KIF26A: variants seen among roughly 807,000 people sequenced by gnomAD.
KIF26A encodes the protein kinesin family member 26A, also known as kinesin-like protein KIF26A.
KIF26A carries 74 observed loss-of-function variants against 126.0 expected under a neutral mutation model. That is an observed-to-expected ratio of 0.59 (90% CI 0.49 to 0.71). The LOEUF (loss-of-function observed/expected upper bound fraction) is 0.71. KIF26A is among the 30% of genes least tolerant of loss of function. The pLI, the probability that KIF26A is intolerant of heterozygous loss-of-function variation, is 0.00. For synonymous variants in KIF26A, 1,445 were observed against 1,232.7 expected (o/e 1.17, Z -3.61); for missense variants, 2,984 against 2,763.3 (o/e 1.08, Z -1.79).
Position 104,178,724 on chromosome 14 carries a change from C to T in KIF26A, c.5285C>T (p.Pro1762Leu), listed in dbSNP as rs1016683417. 6.5e-7 allele frequency: 1 copy of T among 1,550,134 alleles called. No individual in the cohort carries two copies. Among genetic ancestry groups the T allele is most frequent in the South Asian group, 1.2e-5 (1 of 84,284 alleles). The change falls in exon 13 of 15, where the codon CCC (proline) becomes CTC (leucine). Residue 1762 changes from proline to leucine, a missense_variant. Transcript: ENST00000423312. ...GATGACGTGGAGCGCCTTCAGCGGC[C>T]CCGCCCCACCCCGAGGGAGGCCCCC... ...EIDDVERLQR[P>L]RPTPREAPTQ...
Position 104,175,682 on chromosome 14 carries a change from C to T in KIF26A, c.2894C>T (p.Pro965Leu). The T allele has an allele frequency of 2.5e-6, 4 of 1,605,224 alleles. No homozygotes were observed. Among genetic ancestry groups the T allele is most frequent in the Non-Finnish European group, 3.4e-6 (4 of 1,177,026 alleles). The change falls in exon 12 of 15, where the codon CCA becomes CTA. Residue 965 changes from proline (P) to leucine (L), a missense_variant. Transcript: ENST00000423312. ...CAGTTGCTGGAAGCCTGCAGAGCCC[C>T]AGAAGAGCCTGGGGGAGGGGGCACT... is the stretch of plus-strand genomic sequence containing the variant. ...PPQLLEACRA[P>L]EEPGGGGTDG...
rs1233883571 is a variant in KIF26A at position 104,165,599 on chromosome 14, ATG to A, written c.924-1252_924-1251del. On this transcript the variant is annotated intron_variant, in intron 4 of 14. Coordinates refer to ENST00000423312, the MANE Select transcript of KIF26A (RefSeq NM_015656.2). ...CATGTGTGTGTCTGTGTGTCTATGC[ATG>A]TGTGTGTCTCTGTCTCTGTATGCAT... is the stretch of plus-strand genomic sequence containing the variant. Among the ~76,000 whole-genome samples, 11 of 122,470 alleles carry A rather than the reference ATG, an allele frequency of 9.0e-5. No individual in the cohort carries two copies. In the South Asian group the frequency reaches 1.5e-3, roughly 16 times the overall value. The allele number at this position is 122,470 out of a possible 152,430, so 80.3% of individuals were successfully genotyped here.
intron 4 of KIF26A, among the ~76,000 whole-genome samples, chr14:104,161,538 G>A (rs977576988): frequency 3.3e-5 from 5 of 152,206 alleles, no homozygotes; most frequent in African/African-American, 9.7e-5. Context: ...GACATGAATC[G>A]ATGGCCAGGG....
chr14:104,146,931 G>A (rs776021112), intron 2 of KIF26A, among the ~76,000 whole-genome samples: 1 of 152,110 alleles, frequency 6.6e-6, no homozygotes, highest in Admixed American at 6.5e-5. Context: ...TGGCAGCCTC[G>A]TAGGAGGGGC....
chr14:104,176,692 C>G lies in KIF26A; in HGVS notation c.3904C>G (p.Arg1302Gly). The G allele has an allele frequency of 5.0e-6, 8 of 1,590,648 alleles. No homozygotes were observed. The highest frequency in any genetic ancestry group is 6.8e-6 in the Non-Finnish European group (8 of 1,168,708). ...GGCCCGCAGGCCAGAGGCTGTGGCT[C>G]GGATCCCACCGCTGCGGAGGGGTGC... ...RAARRPEAVA[R>G]IPPLRRGATT... Residue 1302 changes from arginine to glycine, a missense_variant, in exon 12 of 15, where the codon CGG becomes GGG. Transcript: ENST00000423312.
chr14:104,175,787 C>T lies in KIF26A; in HGVS notation c.2999C>T (p.Pro1000Leu). The change falls in exon 12 of 15, where the codon CCC (proline) becomes CTC (leucine). Residue 1000 changes from proline (P) to leucine (L), a missense_variant. Pro to Leu is a moderately conservative substitution (Grantham distance 98). Transcript: ENST00000423312. Reference protein sequence around the residue: ...GSPMLPGATCPRLAAGSRCPE... With the variant: ...GSPMLPGATCLRLAAGSRCPE... ...CCGATGCTTCCTGGGGCCACCTGCC[C>T]CCGCCTGGCTGCTGGCAGTCGCTGT... The T allele has an allele frequency of 6.5e-7, 1 of 1,538,190 alleles. No individual in the cohort carries two copies. The highest frequency in any genetic ancestry group is 8.7e-7 in the Non-Finnish European group (1 of 1,146,324).
At position 104,148,308 on chromosome 14, in the gene KIF26A, A is replaced by G. The variant is rs1188648885; in HGVS notation, c.289-3707A>G. On this transcript the variant is annotated intron_variant, in intron 2 of 14. Coordinates refer to ENST00000423312, the MANE Select transcript of KIF26A (RefSeq NM_015656.2). This position sits in a 1 kb window ranked among gnomAD's most constrained non-coding sequence, Gnocchi z 4.3. Reference sequence around the variant, plus strand: ...TATGTTTGATGCTAAATTGAATCAAATGAAGAAAAACATTTTCCAAATGCA... The same window carrying G: ...TATGTTTGATGCTAAATTGAATCAAGTGAAGAAAAACATTTTCCAAATGCA... Among the ~76,000 whole-genome samples the G allele has an allele frequency of 1.3e-5, 2 of 152,224 alleles. No individual in the cohort carries two copies. Among genetic ancestry groups the G allele is most frequent in the African/African-American group, 4.8e-5 (2 of 41,452 alleles).
At position 104,171,581 on chromosome 14, in the gene KIF26A, C is replaced by A. The variant is rs115621321; in HGVS notation, c.1114-142C>A. 398 of 676,142 alleles carry A rather than the reference C, an allele frequency of 5.9e-4. 3 individuals are homozygous for A. In the African/African-American group the frequency reaches 6.4e-3, roughly 11 times the overall value. 41.9% of individuals were successfully genotyped at this position (676,142 alleles called of 1,614,324 possible). A position where few individuals can be genotyped will look rare whatever the true frequency, so the allele number is the denominator to read the frequency against. ...GATCTGCTCTCGCCTGGAGCAGGGG[C>A]GCGGTGTCCACATTCCTGCGGTGGG... On this transcript the variant is annotated intron_variant, in intron 5 of 14. Coordinates refer to ENST00000423312, the MANE Select transcript of KIF26A (RefSeq NM_015656.2).
intron 6 of KIF26A, 100 bp downstream of exon 6, chr14:104,172,035 A>G (rs2037963201): frequency 8.5e-7 from 1 of 1,175,676 alleles, no homozygotes; most frequent in African/African-American, 1.5e-5. Context: ...TGCAGGGCGC[A>G]GAGGAAGCGT....
chr14:104,152,100 G>A lies in KIF26A; in HGVS notation c.374G>A (p.Cys125Tyr). ...TGTCGCCCAGAGGCCGAGCGCCGCT[G>A]TGACGTCTGCGCCACACACCTGCAG... is the stretch of plus-strand genomic sequence containing the variant. ...PACRPEAERR[C>Y]DVCATHLQQL... The change falls in exon 3 of 15, where the codon TGT becomes TAT. Residue 125 changes from cysteine (C) to tyrosine (Y), a missense_variant. Physicochemically the swap from Cys to Tyr is radical, Grantham distance 194. Coordinates refer to ENST00000423312, the MANE Select transcript of KIF26A (RefSeq NM_015656.2). The surrounding 1 kb of genome is among the most constrained non-coding windows in gnomAD (Gnocchi z 5.9). 1 of 1,612,486 alleles carries A rather than the reference G, an allele frequency of 6.2e-7. No homozygotes were observed. The highest frequency in any genetic ancestry group is 8.5e-7 in the Non-Finnish European group (1 of 1,179,766).
At position 104,148,768 on chromosome 14, in the gene KIF26A, G is replaced by T. The variant is rs1315268679; in HGVS notation, c.289-3247G>T. Among the ~76,000 whole-genome samples the T allele has an allele frequency of 6.6e-6, 1 of 152,154 alleles. No individual in the cohort carries two copies. The highest frequency in any genetic ancestry group is 1.5e-5 in the Non-Finnish European group (1 of 68,026). On this transcript the variant is annotated intron_variant, in intron 2 of 14. Coordinates refer to ENST00000423312, the MANE Select transcript of KIF26A (RefSeq NM_015656.2). This position sits in a 1 kb window ranked among gnomAD's most constrained non-coding sequence, Gnocchi z 4.3. ...GTGCGGGGAGCAGTCAGTGGTGTGG[G>T]AGACCCTCGCCTTCACCTTCTGGGG...
chr14:104,172,448 C>T (rs1465252444), intron 6 of KIF26A, 127 bp from the exon 7 acceptor site: 1 of 639,972 alleles, frequency 1.6e-6, no homozygotes, highest in Non-Finnish European at 2.8e-6. Context: ...TGTCCTTGGT[C>T]CCAGGTGTGC....
chr14:104,144,785 C>T (rs1396898356), intron 2 of KIF26A, among the ~76,000 whole-genome samples: 1 of 152,150 alleles, frequency 6.6e-6, no homozygotes, highest in East Asian at 1.9e-4. Flanking sequence ...GTAGTTCCTG[C>T]GAGCCACCGC....
chr14:104,159,992 C>T (rs1329611176), intron 4 of KIF26A, among the ~76,000 whole-genome samples: 5 of 152,120 alleles, frequency 3.3e-5, no homozygotes, highest in East Asian at 1.9e-4. Context: ...GTCTTGGGCA[C>T]GTGCTGAGGG....
chr14:104,153,642 G>GAACCCCACCCTTGCCACGA (rs1218036764), intron 3 of KIF26A, among the ~76,000 whole-genome samples: 22 of 151,750 alleles, frequency 1.4e-4, no homozygotes, highest in East Asian at 3.9e-4. Flanking sequence ...CCCCAGAGCT[G>GAACCCCACCCTTGCCACGA]GGCATCCTGG....
Position 104,176,248 on chromosome 14 carries a change from G to T in KIF26A, c.3460G>T (p.Gly1154Trp). 6.3e-7 allele frequency: 1 copy of T among 1,599,122 alleles called. No individual in the cohort carries two copies. The highest frequency in any genetic ancestry group is 2.3e-5 in the East Asian group (1 of 44,396). The change falls in exon 12 of 15, where the codon GGG becomes TGG. Residue 1154 changes from glycine (G) to tryptophan (W), a missense_variant. By Grantham distance (184) the Gly-to-Trp change is radical (BLOSUM62 -2). Coordinates refer to ENST00000423312, the MANE Select transcript of KIF26A (RefSeq NM_015656.2). ...CCCCCCTGCCCTGGATGGTTCCCTG[G>T]GGGATGGAAGCTCTGGGTTCCTGGG... ...GGPPALDGSL[G>W]DGSSGFLGPD...
At position 104,179,277 on chromosome 14, in the gene KIF26A, C is replaced by T. The variant is rs959624587; in HGVS notation, c.5358C>T (p.Arg1786=). 3 of 1,529,022 alleles carry T rather than the reference C, an allele frequency of 2.0e-6. No individual in the cohort carries two copies. The highest frequency in any genetic ancestry group is 1.4e-5 in the African/African-American group (1 of 72,530). The allele number at this position is 1,529,022 out of a possible 1,614,324, so 94.7% of individuals were successfully genotyped here. ...CVSTRLRLAE[R]RQQRLREVQA... ...GTACAAGGCTGCGGCTGGCGGAGCG[C>T]AGGCAGCAGCGGCTGCGGGAGGTGC... Residue 1786 remains arginine (R), a synonymous_variant, in exon 14 of 15, where the codon CGC becomes CGT. Transcript: ENST00000423312.
At chr14:104,138,999 G>A (rs2037610264) in intron 1 of KIF26A, 44 bp from the exon 2 acceptor site, 9 of 1,323,694 alleles carry the variant, frequency 6.8e-6, no homozygotes, top group Non-Finnish European at 7.7e-6. Flanking sequence ...GGATCCGACG[G>A]ACGTCCCAGG....
intron 3 of KIF26A, 22 bp from the exon 4 acceptor site, chr14:104,157,733 C>T (rs371867920): frequency 5.8e-5 from 93 of 1,606,068 alleles, no homozygotes; most frequent in Admixed American, 1.0e-4. Flanking sequence ...GTTCCTTATA[C>T]GCACTCTCTC....
Sources: allele counts gnomAD v4.1 joint callset (sites outside exome capture counted in the v4.1 genomes callset), GRCh38; gene constraint gnomAD v4.1.1; non-coding constraint Gnocchi (gnomAD v3.1); transcripts MANE v1.5; gene names NCBI Gene and HGNC (gene_info 2026-07-23, HGNC 2026-07-21).